The following ST8SIA1 variants were observed in gnomAD, a reference collection of about 807,000 sequenced individuals.
ST8SIA1 encodes ST8 alpha-N-acetyl-neuraminide alpha-2,8-sialyltransferase 1.
ST8SIA1 carries 16 observed loss-of-function variants against 35.9 expected under a neutral mutation model. The ratio of observed to expected loss-of-function variants is 0.45; its 90% CI spans 0.30 to 0.68. ST8SIA1 has a LOEUF of 0.68. ST8SIA1 is among the 30% of genes least tolerant of loss of function. ST8SIA1 has a pLI of 0.09. For synonymous variants in ST8SIA1, 170 were observed against 169.6 expected (o/e 1.00, Z -0.02); for missense variants, 383 against 453.6 (o/e 0.84, Z 1.41).
chr12:22,330,468 TA>T (rs1866748006), intron 1 of ST8SIA1, among the ~76,000 whole-genome samples: 1 of 152,210 alleles, frequency 6.6e-6, no homozygotes, highest in Non-Finnish European at 1.5e-5. Flanking sequence ...TAGAAAGGGA[TA>T]CAGCCAGAAT....
At chr12:22,231,771 C>T (rs1291339037) in intron 4 of ST8SIA1, among the ~76,000 whole-genome samples, 1 of 152,044 alleles carries the variant, frequency 6.6e-6, no homozygotes, top group African/African-American at 2.4e-5. Flanking sequence ...GACGGGGTTT[C>T]ACCGTGTTAG....
chr12:22,226,656 C>T (rs375560795), intron 4 of ST8SIA1, among the ~76,000 whole-genome samples: 42 of 151,668 alleles, frequency 2.8e-4, no homozygotes, highest in Admixed American at 1.4e-3. Context: ...TTTTTTTCCT[C>T]GACATTCTTA....
rs953593575 is a variant in ST8SIA1, at chr12:22,197,190, G to A, written c.*4362C>T. The A allele has an allele frequency of 3.9e-5, 6 of 152,066 alleles. No individual in the cohort carries two copies. The highest frequency in any genetic ancestry group is 7.3e-5 in the Non-Finnish European group (5 of 68,034). 9.4% of individuals were successfully genotyped at this position (152,066 alleles called of 1,614,324 possible). On this transcript the variant is annotated 3_prime_UTR_variant, in exon 5 of 5. Coordinates refer to ENST00000396037, the MANE Select transcript of ST8SIA1 (RefSeq NM_003034.4). ...ATAAAAGTCATATAACCTGAGAGTC[G>A]ACCTATACGACGGGAAGATAAAGAA...
intron 4 of ST8SIA1, among the ~76,000 whole-genome samples, chr12:22,218,730 G>T (rs2120656528): frequency 6.6e-6 from 1 of 151,948 alleles, no homozygotes; most frequent in African/African-American, 2.4e-5. Context: ...TGAGACAAAA[G>T]AATTGCTTGA....
chr12:22,227,987 T>A (rs1055901649), intron 4 of ST8SIA1, among the ~76,000 whole-genome samples: 1 of 152,218 alleles, frequency 6.6e-6, no homozygotes, highest in African/African-American at 2.4e-5. Flanking sequence ...AGCTGCACTG[T>A]TCTAAGGGCT....
intron 1 of ST8SIA1, among the ~76,000 whole-genome samples, chr12:22,310,628 A>C (rs1470381852): frequency 6.6e-6 from 1 of 152,208 alleles, no homozygotes; most frequent in Non-Finnish European, 1.5e-5. Context: ...AGGCAAATAC[A>C]AGTGTGGTTT....
chr12:22,229,344 T>C (rs1335162851), intron 4 of ST8SIA1, among the ~76,000 whole-genome samples: 1 of 151,738 alleles, frequency 6.6e-6, no homozygotes, highest in Non-Finnish European at 1.5e-5. Context: ...TGGCTGAGCA[T>C]GGTGGCTCAT....
intron 4 of ST8SIA1, among the ~76,000 whole-genome samples, chr12:22,207,142 G>A (rs1039164870): frequency 6.6e-6 from 1 of 152,198 alleles, no homozygotes; most frequent in Non-Finnish European, 1.5e-5. Context: ...AGGGATGGAA[G>A]AGCTGCACTT....
chr12:22,296,212 G>A (rs751121164), intron 1 of ST8SIA1, among the ~76,000 whole-genome samples: 1 of 152,170 alleles, frequency 6.6e-6, no homozygotes, highest in African/African-American at 2.4e-5. Flanking sequence ...GGTGTATTGG[G>A]GGAGAGGCTC....
intron 2 of ST8SIA1, among the ~76,000 whole-genome samples, chr12:22,282,256 G>A (rs1252420371): frequency 2.0e-5 from 3 of 152,164 alleles, no homozygotes; most frequent in Non-Finnish European, 2.9e-5. Context: ...CCTCAATAAG[G>A]TATTTAACCC....
chr12:22,211,718 T>C (rs1865177743), intron 4 of ST8SIA1, among the ~76,000 whole-genome samples: 1 of 151,918 alleles, frequency 6.6e-6, no homozygotes, highest in Non-Finnish European at 1.5e-5. Flanking sequence ...TACTATTTTC[T>C]TTTTTTTGAG....
At chr12:22,286,385 GCT>G in intron 2 of ST8SIA1, 1 of 510,844 alleles carries the variant, frequency 2.0e-6, no homozygotes, top group Non-Finnish European at 3.9e-6. Flanking sequence ...ACTTTCTAAG[GCT>G]TAAAAATTCT....
rs61921789 is a variant in ST8SIA1 at position 22,196,421 on chromosome 12, G to T, written c.*5131C>A. 1 of 152,288 alleles carries T rather than the reference G, an allele frequency of 6.6e-6. No individual in the cohort carries two copies. The highest frequency in any genetic ancestry group is 1.9e-4 in the East Asian group (1 of 5,182). The allele number at this position is 152,288 out of a possible 1,614,324, so 9.4% of individuals were successfully genotyped here. ...TGTAAAAAATTCAAAAGACAAGTCT[G>T]GGCTGAGGGTAAAGCAGATGGTATC... On this transcript the variant is annotated 3_prime_UTR_variant, in exon 5 of 5. Coordinates refer to ENST00000396037, the MANE Select transcript of ST8SIA1 (RefSeq NM_003034.4).
Position 22,201,945 on chromosome 12 carries a change from C to T in ST8SIA1, c.678G>A (p.Lys226=), listed in dbSNP as rs572734219. The change falls in exon 5 of 5, where the codon AAG becomes AAA. Residue 226 remains lysine (K), a synonymous_variant. Coordinates refer to ENST00000396037, the MANE Select transcript of ST8SIA1 (RefSeq NM_003034.4). ...CCCTCAAAGATGGCTCTGTTCCTGT[C>T]TTCATAGAAAAGGCAGGCATGTAGA... ...SYIYMPAFSM[K]TGTEPSLRVY... 2.5e-6 allele frequency: 4 copies of T among 1,613,976 alleles called. No individual in the cohort carries two copies. The African/African-American group carries it at 4.0e-5, about 16-fold the overall frequency.
chr12:22,276,257 A>T (rs1865967450), intron 2 of ST8SIA1, among the ~76,000 whole-genome samples: 2 of 152,234 alleles, frequency 1.3e-5, no homozygotes, highest in Admixed American at 6.5e-5. Flanking sequence ...TGTATTGAGT[A>T]AAAAGGAGAT....
Position 22,216,452 on chromosome 12 carries a change from G to C in ST8SIA1, c.585-14414C>G, listed in dbSNP as rs1865234604. ...CTCTAAACTGTTGCACATGCTACTT[G>C]TTCTGTCTAAAGTGAATGCCCCCTT... On this transcript the variant is annotated intron_variant, in intron 4 of 4. Transcript: ENST00000396037. 2.0e-5 allele frequency among the ~76,000 whole-genome samples: 3 copies of C among 152,290 alleles called. No homozygotes were observed. In the South Asian group the frequency reaches 6.2e-4, roughly 32 times the overall value.
At chr12:22,263,848 C>A (rs1056393398) in intron 2 of ST8SIA1, among the ~76,000 whole-genome samples, 2 of 152,154 alleles carry the variant, frequency 1.3e-5, no homozygotes, top group Admixed American at 1.3e-4. Flanking sequence ...GGTCTCAAAC[C>A]ATATTGGAAA....
Position 22,197,460 on chromosome 12 carries a change from A to G in ST8SIA1, c.*4092T>C, listed in dbSNP as rs1237364231. 2 of 152,192 alleles carry G rather than the reference A, an allele frequency of 1.3e-5. No individual in the cohort carries two copies. The highest frequency in any genetic ancestry group is 1.9e-4 in the East Asian group (1 of 5,192). The allele number at this position is 152,192 out of a possible 1,614,324, so 9.4% of individuals were successfully genotyped here. A position where few individuals can be genotyped will look rare whatever the true frequency, so the allele number is the denominator to read the frequency against. ...GTCAGTGAAAAATTTCACAAAGTCA[A>G]TATTTCAACCACAGAAGTTAAAACT... On this transcript the variant is annotated 3_prime_UTR_variant, in exon 5 of 5. Transcript: ENST00000396037.
rs1022023566 is a variant in ST8SIA1 at position 22,334,146 on chromosome 12, G to A, written c.87C>T (p.Pro29=). The change falls in exon 1 of 5, where the codon CCC becomes CCT. Residue 29 remains proline (P), a synonymous_variant. Transcript: ENST00000396037. ...CGACACAGAGGGCACTGGCTCCCAT[G>A]GGCAGCCGGGTCCGCGGGAACTTCC... The part of the protein sequence containing the change: ...LAWKFPRTRL[P]MGASALCVVV... 1 of 1,614,112 alleles carries A rather than the reference G, an allele frequency of 6.2e-7. No individual in the cohort carries two copies. Among genetic ancestry groups the A allele is most frequent in the Non-Finnish European group, 8.5e-7 (1 of 1,179,996 alleles).
Sources: gnomAD v4.1 joint callset for allele counts (sites outside exome capture counted in the v4.1 genomes callset) on GRCh38, gnomAD v4.1.1 for gene constraint, MANE v1.5 for transcripts, NCBI Gene and HGNC (gene_info 2026-07-23, HGNC 2026-07-21) for gene names.